Variants in EPC2 observed in about 807,000 individuals in gnomAD.
EPC2 encodes enhancer of polycomb 2, also known as enhancer of polycomb homolog 2.
In EPC2, 14 loss-of-function variants were observed where a neutral mutation model predicts 92.1. The observed-to-expected ratio is 0.15, with a 90% confidence interval of 0.10 to 0.24. The LOEUF is 0.24. EPC2 is among the 10% of genes least tolerant of loss of function. The probability of loss-of-function intolerance (pLI) is 1.00; values close to 1 mark genes in which losing one functional copy is unlikely to be tolerated. For synonymous variants in EPC2, 340 were observed against 334.7 expected, an observed-to-expected ratio of 1.02 and a Z score of -0.17; for missense variants, 755 against 971.5, an observed-to-expected ratio of 0.78 and a Z score of 2.96.
chr2:148,718,814 A>G (rs895408550), intron 2 of EPC2, among the ~76,000 whole-genome samples: 1 of 152,146 alleles, frequency 6.6e-6, no homozygotes, highest in African/African-American at 2.4e-5. Context: ...GTTCTCCTAA[A>G]TGATATCCTG....
chr2:148,772,262 C>T (rs948809794), intron 10 of EPC2, among the ~76,000 whole-genome samples: 1 of 151,958 alleles, frequency 6.6e-6, no homozygotes, highest in Non-Finnish European at 1.5e-5. Context: ...GATTTGTTTT[C>T]TTCTGTGGTC....
intron 2 of EPC2, 129 bp from the exon 3 acceptor site, chr2:148,743,493 G>T: frequency 1.7e-6 from 1 of 604,570 alleles, no homozygotes; most frequent in Non-Finnish European, 2.6e-6. Flanking sequence ...ATTAATTGTG[G>T]ATACCTTCTC....
intron 2 of EPC2, among the ~76,000 whole-genome samples, chr2:148,731,989 T>A (rs1010208005): frequency 6.6e-6 from 1 of 152,212 alleles, no homozygotes. Flanking sequence ...GTAAGATTTA[T>A]AAACAGTATC....
intron 6 of EPC2, among the ~76,000 whole-genome samples, chr2:148,763,286 G>GA (rs1683337094): frequency 6.6e-6 from 1 of 152,106 alleles, no homozygotes; most frequent in East Asian, 1.9e-4. Flanking sequence ...GTGACTTTGA[G>GA]AAAGTCCTGT....
chr2:148,743,762 A>G lies in EPC2; in HGVS notation c.454A>G (p.Asn152Asp), dbSNP rs539274036. The G allele has an allele frequency of 6.3e-7, 1 of 1,597,334 alleles. No homozygotes were observed. The highest frequency in any genetic ancestry group is 8.5e-7 in the Non-Finnish European group (1 of 1,173,372). ...MIDRLEKASS[N>D]QLVTLQEAKL... ...TGACAGACTTGAAAAAGCCAGTTCTAATCAGGTACTGTACCATGTAAAGAT... is the reference window on the plus strand; with the variant it reads ...TGACAGACTTGAAAAAGCCAGTTCTGATCAGGTACTGTACCATGTAAAGAT... The change falls in exon 3 of 14, where the codon AAT becomes GAT. Residue 152 changes from asparagine to aspartate, a missense_variant. This residue lies in a region of EPC2 where 509 missense variants were observed against 607.7 expected (regional missense o/e 0.84). Transcript: ENST00000258484.
At chr2:148,665,649 A>G (rs1681041855) in intron 1 of EPC2, among the ~76,000 whole-genome samples, 2 of 152,196 alleles carry the variant, frequency 1.3e-5, no homozygotes, top group African/African-American at 2.4e-5. Context: ...GATGTTTAGG[A>G]TAACAGTTTT....
intron 10 of EPC2, among the ~76,000 whole-genome samples, chr2:148,775,704 CTT>C (rs1226910742): frequency 1.3e-3 from 21 of 16,544 alleles, no homozygotes; most frequent in African/African-American, 2.6e-3. Context: ...AATTAAATAT[CTT>C]TATTAAATAA....
Position 148,786,388 on chromosome 2 carries a change from G to T in EPC2, c.*11G>T. 6.2e-7 allele frequency: 1 copy of T among 1,600,662 alleles called. No homozygotes were observed. The highest frequency in any genetic ancestry group is 8.5e-7 in the Non-Finnish European group (1 of 1,172,522). Reference sequence around the variant, plus strand: ...ATGGAAGTGACATAACCTAAAACACGTGGCTCTGACCTGTGCTGATGGTGT... The same window carrying T: ...ATGGAAGTGACATAACCTAAAACACTTGGCTCTGACCTGTGCTGATGGTGT... On this transcript the variant is annotated 3_prime_UTR_variant, in exon 14 of 14. Transcript: ENST00000258484.
In EPC2 at chr2:148,769,135, T is replaced by A; in HGVS notation, c.1141-16T>A. On this transcript the variant is annotated splice_polypyrimidine_tract_variant and intron_variant, in intron 7 of 13. Transcript: ENST00000258484. ...GACTTTTGATAACTTCTAAATGGAA[T>A]GCCTCTTTTGTCTAGGTATTGTCCC... is the stretch of plus-strand genomic sequence containing the variant. The A allele has an allele frequency of 6.4e-7, 1 of 1,566,810 alleles. No homozygotes were observed. Among genetic ancestry groups the A allele is most frequent in the East Asian group, 2.2e-5 (1 of 44,516 alleles).
In EPC2 at chr2:148,749,223, T is replaced by C. The variant is rs374904687; in HGVS notation, c.460-4704T>C. Among the ~76,000 whole-genome samples the C allele has an allele frequency of 1.0e-3, 153 of 152,274 alleles. 3 individuals carry two copies. The highest frequency in any genetic ancestry group is 7.7e-3 in the East Asian group (40 of 5,186). On this transcript the variant is annotated intron_variant, in intron 3 of 13. Transcript: ENST00000258484. ...TTTGCTGTTCCAGCTATAGTCCTCA[T>C]GCCGGTGGTGTTCATAGTACCAGCA...
intron 10 of EPC2, among the ~76,000 whole-genome samples, chr2:148,776,201 A>G (rs547635413): frequency 6.6e-6 from 1 of 152,264 alleles, no homozygotes; most frequent in Non-Finnish European, 1.5e-5. Flanking sequence ...TGCAACTATG[A>G]TAGTTTTAGG....
In EPC2 at chr2:148,736,961, G is replaced by A. The variant is rs573640333; in HGVS notation, c.314-6661G>A. Among the ~76,000 whole-genome samples, 4 of 151,600 alleles carry A rather than the reference G, an allele frequency of 2.6e-5. No individual in the cohort carries two copies. In the East Asian group the frequency reaches 5.8e-4, roughly 22 times the overall value. On this transcript the variant is annotated intron_variant, in intron 2 of 13. Transcript: ENST00000258484. ...CAAAAAAAAAAAAAAAATTAGCCAC[G>A]CCTGGTGGCATGCATCTGTAGTCCT...
intron 2 of EPC2, among the ~76,000 whole-genome samples, chr2:148,702,364 A>G (rs1408541641): frequency 6.6e-6 from 1 of 152,176 alleles, no homozygotes; most frequent in Non-Finnish European, 1.5e-5. Context: ...ATTTTCCCTC[A>G]CAAATATTCA....
chr2:148,665,363 T>G (rs1252750910), intron 1 of EPC2, among the ~76,000 whole-genome samples: 2 of 152,192 alleles, frequency 1.3e-5, no homozygotes, highest in Non-Finnish European at 2.9e-5. Flanking sequence ...CACCTACTGT[T>G]TGAATTTTTT....
At chr2:148,660,446 A>C (rs1328494682) in intron 1 of EPC2, among the ~76,000 whole-genome samples, 2 of 152,126 alleles carry the variant, frequency 1.3e-5, no homozygotes. Flanking sequence ...TATGGTCATT[A>C]AAGAAATTCT....
At chr2:148,666,420 G>A (rs1326370268) in intron 1 of EPC2, among the ~76,000 whole-genome samples, 1 of 152,104 alleles carries the variant, frequency 6.6e-6, no homozygotes, top group Non-Finnish European at 1.5e-5. Flanking sequence ...CCGGGATTAC[G>A]GGCATGGGCC....
chr2:148,764,321 A>G lies in EPC2; in HGVS notation c.949-634A>G, dbSNP rs754971838. ...AATGCCAGTATGTTAAAACAGTAAC[A>G]GAGCTGCTCTGTTGAGGGGAGGTGG... On this transcript the variant is annotated intron_variant, in intron 6 of 13. Transcript: ENST00000258484. Among the ~76,000 whole-genome samples the G allele has an allele frequency of 2.4e-4, 37 of 152,172 alleles. 2 individuals are homozygous for G. Among genetic ancestry groups the G allele is most frequent in the Admixed American group, 4.6e-4 (7 of 15,274 alleles).
chr2:148,691,445 T>C, intron 2 of EPC2: 3 of 1,419,884 alleles, frequency 2.1e-6, no homozygotes, highest in Non-Finnish European at 2.9e-6. Context: ...TTTTAAAGAG[T>C]TCCCTGTGTG....
At chr2:148,698,497 G>A (rs1025713063) in intron 2 of EPC2, among the ~76,000 whole-genome samples, 2 of 151,870 alleles carry the variant, frequency 1.3e-5, no homozygotes, top group African/African-American at 4.8e-5. Context: ...TTAGCCCGGT[G>A]TGGTGGTGCA....
Sources: allele counts gnomAD v4.1 joint callset (sites outside exome capture counted in the v4.1 genomes callset), GRCh38; gene constraint gnomAD v4.1.1; regional missense constraint gnomAD v4.1.1; transcripts MANE v1.5; gene names NCBI Gene and HGNC (gene_info 2026-07-23, HGNC 2026-07-21).